Variants in KIF16B observed in about 807,000 individuals in gnomAD.
KIF16B encodes the protein kinesin family member 16B, also known as kinesin-like protein KIF16B.
KIF16B carries 98 observed loss-of-function variants against 156.3 expected under a neutral mutation model. The ratio of observed to expected loss-of-function variants is 0.63; its 90% CI spans 0.53 to 0.74. The LOEUF (loss-of-function observed/expected upper bound fraction) is 0.74, where lower values mean the gene tolerates loss of function less well. Ranked by LOEUF, KIF16B falls within the 30% of genes least tolerant of loss-of-function variation. The probability of loss-of-function intolerance (pLI) is 0.00; values close to 1 mark genes in which losing one functional copy is unlikely to be tolerated. For missense variants in KIF16B, 1,421 were observed against 1,606.5 expected, an observed-to-expected ratio of 0.88 and a Z score of 1.97; for synonymous variants, 564 against 583.7, an observed-to-expected ratio of 0.97 and a Z score of 0.49.
intron 12 of KIF16B, among the ~76,000 whole-genome samples, chr20:16,435,878 A>G (rs1328184930): frequency 6.6e-6 from 1 of 151,954 alleles, no homozygotes; most frequent in Non-Finnish European, 1.5e-5. Flanking sequence ...TTTATTCTAC[A>G]ATCTTTCTTT....
intron 24 of KIF16B, among the ~76,000 whole-genome samples, chr20:16,316,089 T>C (rs972021816): frequency 3.3e-5 from 5 of 152,246 alleles, no homozygotes; most frequent in Non-Finnish European, 5.9e-5. Flanking sequence ...TAGGCCTTGC[T>C]ATCTATAAGC....
intron 15 of KIF16B, among the ~76,000 whole-genome samples, chr20:16,412,069 G>A (rs1455588388): frequency 6.6e-6 from 1 of 151,592 alleles, no homozygotes; most frequent in Admixed American, 6.6e-5. Context: ...GGCACCTGAA[G>A]GAATGCTGAC....
intron 12 of KIF16B, among the ~76,000 whole-genome samples, chr20:16,441,310 GCCTGT>G (rs1315036185): frequency 6.6e-6 from 1 of 152,018 alleles, no homozygotes; most frequent in East Asian, 1.9e-4. Context: ...TCACCCTCCG[GCCTGT>G]GCTCTAGTAA....
intron 25 of KIF16B, among the ~76,000 whole-genome samples, chr20:16,286,981 G>A (rs1347279743): frequency 6.6e-6 from 1 of 152,198 alleles, no homozygotes; most frequent in Non-Finnish European, 1.5e-5. Context: ...GCCCATAAGT[G>A]GCGTGTCTTG....
chr20:16,418,519 C>T (rs1176035292), intron 15 of KIF16B, among the ~76,000 whole-genome samples: 1 of 152,148 alleles, frequency 6.6e-6, no homozygotes, highest in Non-Finnish European at 1.5e-5. Flanking sequence ...TGACTTCAAC[C>T]AACTGTCACT....
At chr20:16,336,991 G>C (rs11905881) in intron 23 of KIF16B, among the ~76,000 whole-genome samples, 1 of 152,134 alleles carries the variant, frequency 6.6e-6, no homozygotes, top group Non-Finnish European at 1.5e-5. Context: ...ACTGAAAACA[G>C]ATCTTTTAGA....
chr20:16,298,365 G>A lies in KIF16B; in HGVS notation c.3795+13970C>T, dbSNP rs146853797. ...TTAGAATTGTGAGCTCCTTGAAGAC[G>A]CAAGCTATACGACTGACTGCATGCA... On this transcript the variant is annotated intron_variant, in intron 25 of 25. Transcript: ENST00000354981. 8.2e-4 allele frequency among the ~76,000 whole-genome samples: 125 copies of A among 152,312 alleles called. 1 individual carries two copies. The highest frequency in any genetic ancestry group is 2.9e-3 in the African/African-American group (120 of 41,576).
intron 15 of KIF16B, among the ~76,000 whole-genome samples, chr20:16,421,612 T>C (rs2066228104): frequency 6.6e-6 from 1 of 152,190 alleles, no homozygotes; most frequent in African/African-American, 2.4e-5. Flanking sequence ...AGACTTTTTT[T>C]CTTTAATGAG....
chr20:16,405,697 T>G (rs1318028551), intron 16 of KIF16B, among the ~76,000 whole-genome samples: 2 of 151,998 alleles, frequency 1.3e-5, no homozygotes, highest in African/African-American at 4.8e-5. Flanking sequence ...GACCTGGGGG[T>G]GATAGCATGG....
At chr20:16,285,424 T>C (rs2063208738) in intron 25 of KIF16B, among the ~76,000 whole-genome samples, 1 of 152,256 alleles carries the variant, frequency 6.6e-6, no homozygotes, top group African/African-American at 2.4e-5. Flanking sequence ...AATTCACCTG[T>C]GTTTTCCCAA....
At position 16,272,660 on chromosome 20, in the gene KIF16B, C is replaced by CA. The variant is rs1247501529; in HGVS notation, c.*592dup. ...TGGAAGACTACAGTCATGATTGGAT[C>CA]AAAAAATCCCTTTTGCAGAATATGA... On this transcript the variant is annotated 3_prime_UTR_variant, in exon 26 of 26. Transcript: ENST00000354981. The CA allele has an allele frequency of 6.6e-6, 1 of 152,332 alleles. No homozygotes were observed. Among genetic ancestry groups the CA allele is most frequent in the African/African-American group, 2.4e-5 (1 of 41,332 alleles). The allele number at this position is 152,332 out of a possible 1,614,324, so 9.4% of individuals were successfully genotyped here. A position where few individuals can be genotyped will look rare whatever the true frequency, so the allele number is the denominator to read the frequency against.
At chr20:16,391,396 G>T (rs967958916) in intron 17 of KIF16B, among the ~76,000 whole-genome samples, 1 of 152,166 alleles carries the variant, frequency 6.6e-6, no homozygotes, top group South Asian at 2.1e-4. Context: ...AACATGCCAG[G>T]CACTATCCTA....
intron 17 of KIF16B, among the ~76,000 whole-genome samples, chr20:16,401,588 C>T (rs1160340107): frequency 6.6e-6 from 1 of 152,164 alleles, no homozygotes; most frequent in African/African-American, 2.4e-5. Flanking sequence ...ACACCTTATA[C>T]AGAAAAGAAT....
chr20:16,364,729 G>C (rs79179394), intron 22 of KIF16B, among the ~76,000 whole-genome samples: 74 of 152,330 alleles, frequency 4.9e-4, no homozygotes, highest in Non-Finnish European at 9.0e-4. Context: ...AGTATGCTTA[G>C]GTGAGAGAAG....
At chr20:16,503,787 T>G (rs569186362) in intron 10 of KIF16B, among the ~76,000 whole-genome samples, 1 of 152,292 alleles carries the variant, frequency 6.6e-6, no homozygotes, top group East Asian at 1.9e-4. Flanking sequence ...GGAAGCTTAC[T>G]GAGAAAATCA....
rs552587186 is a variant in KIF16B at position 16,553,605 on chromosome 20, T to C, written c.47+19624A>G. Among the ~76,000 whole-genome samples the C allele has an allele frequency of 1.4e-4, 21 of 152,340 alleles. No individual in the cohort carries two copies. The East Asian group carries it at 3.9e-3, about 28-fold the overall frequency. The stretch of plus-strand genomic sequence containing the variant: ...CCTTGCTTGTAAACATAAGCTCACA[T>C]TGATGTTCCTTTCTCCAGACACCTA... On this transcript the variant is annotated intron_variant, in intron 1 of 25. Coordinates refer to ENST00000354981, the MANE Select transcript of KIF16B (RefSeq NM_024704.5).
In KIF16B at chr20:16,526,161, C is replaced by T; in HGVS notation, c.162G>A (p.Lys54=). Residue 54 remains lysine, a synonymous_variant, in exon 3 of 26, where the codon AAG becomes AAA. Coordinates refer to ENST00000354981, the MANE Select transcript of KIF16B (RefSeq NM_024704.5). ...GTGDSGRERT[K]TFTYDFSFYS... ...AAAAAGAAAAGTCATAGGTGAAGGT[C>T]TTGGTCCGTTCTCTTCCTGAGTCCC... 6.2e-7 allele frequency: 1 copy of T among 1,609,736 alleles called. No homozygotes were observed. The highest frequency in any genetic ancestry group is 1.1e-5 in the South Asian group (1 of 89,800).
intron 12 of KIF16B, among the ~76,000 whole-genome samples, chr20:16,478,640 T>C (rs1354639196): frequency 6.6e-6 from 1 of 152,206 alleles, no homozygotes; most frequent in African/African-American, 2.4e-5. Flanking sequence ...AGACTATTAG[T>C]AGACAGTTAC....
At chr20:16,327,706 A>G (rs2063879833) in intron 24 of KIF16B, among the ~76,000 whole-genome samples, 1 of 152,140 alleles carries the variant, frequency 6.6e-6, no homozygotes, top group Non-Finnish European at 1.5e-5. Context: ...CTAGTTATCT[A>G]CCAGTTGAAG....
Sources: gnomAD v4.1 joint callset for allele counts (sites outside exome capture counted in the v4.1 genomes callset) on GRCh38, gnomAD v4.1.1 for gene constraint, MANE v1.5 for transcripts, NCBI Gene and HGNC (gene_info 2026-07-23, HGNC 2026-07-21) for gene names.